PLCE1: variants seen among roughly 807,000 people sequenced by gnomAD.
PLCE1 encodes 1-phosphatidylinositol 4,5-bisphosphate phosphodiesterase epsilon-1.
Under a neutral mutation model 242.8 loss-of-function variants are expected in PLCE1, and 119 were observed. The ratio of observed to expected loss-of-function variants is 0.49; its 90% CI spans 0.42 to 0.57. The LOEUF (loss-of-function observed/expected upper bound fraction) is 0.57, where lower values mean the gene tolerates loss of function less well. PLCE1 is among the 20% of genes least tolerant of loss of function. The probability of loss-of-function intolerance (pLI) is 0.00; values close to 1 mark genes in which losing one functional copy is unlikely to be tolerated. For synonymous variants in PLCE1, 945 were observed against 1,017.4 expected (o/e 0.93, Z 1.35); for missense variants, 2,441 against 2,788.8 (o/e 0.88, Z 2.81).
intron 4 of PLCE1, among the ~76,000 whole-genome samples, chr10:94,217,722 T>G (rs1236346841): frequency 6.6e-6 from 1 of 152,226 alleles, no homozygotes; most frequent in East Asian, 1.9e-4. Flanking sequence ...ATAACTCTAG[T>G]GAACTTAGAA....
intron 2 of PLCE1, among the ~76,000 whole-genome samples, chr10:94,035,368 G>A (rs2061643121): frequency 6.6e-6 from 1 of 152,136 alleles, no homozygotes. Flanking sequence ...CCCTGCTGCT[G>A]TTTCTTCTGA....
intron 4 of PLCE1, among the ~76,000 whole-genome samples, chr10:94,198,074 A>C (rs935313209): frequency 1.0e-4 from 7 of 67,158 alleles, no homozygotes; most frequent in African/African-American, 8.5e-4. Context: ...ACCCCCCACC[A>C]AAAAAAAAAA....
intron 24 of PLCE1, among the ~76,000 whole-genome samples, chr10:94,301,337 C>T (rs1316475540): frequency 2.0e-5 from 3 of 150,158 alleles, no homozygotes; most frequent in African/African-American, 7.4e-5. Context: ...AAGTGAGATA[C>T]TATCTCAAAA....
At chr10:94,253,327 G>A (rs1425521631) in intron 9 of PLCE1, among the ~76,000 whole-genome samples, 2 of 152,152 alleles carry the variant, frequency 1.3e-5, no homozygotes, top group Non-Finnish European at 2.9e-5. Context: ...AAGAGCAGGA[G>A]TGAGAGAGAA....
intron 2 of PLCE1, among the ~76,000 whole-genome samples, chr10:94,085,215 C>A (rs760632452): frequency 6.6e-6 from 1 of 152,044 alleles, no homozygotes; most frequent in Non-Finnish European, 1.5e-5. Context: ...GGACATTAGA[C>A]CCTGCAAAAT....
intron 3 of PLCE1, among the ~76,000 whole-genome samples, chr10:94,135,537 A>G (rs1414514545): frequency 1.3e-5 from 2 of 152,242 alleles, no homozygotes; most frequent in Admixed American, 6.5e-5. Context: ...GTTATATTCT[A>G]CAAGTTCATT....
At chr10:94,184,392 G>C (rs1459216651) in intron 4 of PLCE1, among the ~76,000 whole-genome samples, 1 of 152,124 alleles carries the variant, frequency 6.6e-6, no homozygotes. Context: ...GCAATGGCAC[G>C]ACGGTCAGCT....
rs551023334 is a variant in PLCE1, at chr10:94,160,597, T to C, written c.1493-10583T>C. ...CTGTTCACTCTGATGGTAGTTTCTT[T>C]TGCTGTGCAGAAGCTCTTTAGTTTA... On this transcript the variant is annotated intron_variant, in intron 3 of 32. Transcript: ENST00000371380. 1.9e-4 allele frequency among the ~76,000 whole-genome samples: 29 copies of C among 152,356 alleles called. No individual in the cohort carries two copies. The South Asian group carries it at 5.8e-3, about 30-fold the overall frequency.
intron 23 of PLCE1, among the ~76,000 whole-genome samples, chr10:94,296,653 A>G (rs1250769628): frequency 6.6e-6 from 1 of 152,140 alleles, no homozygotes; most frequent in African/African-American, 2.4e-5. Context: ...TTAATCTTCT[A>G]TCCAGACCAC....
intron 18 of PLCE1, among the ~76,000 whole-genome samples, chr10:94,271,183 A>G (rs779579281): frequency 5.3e-5 from 8 of 152,018 alleles, no homozygotes; most frequent in African/African-American, 4.8e-5. Flanking sequence ...ATTAGGATAG[A>G]CCAACTCTCC....
Position 94,032,179 on chromosome 10 carries a change from T to C in PLCE1, c.1133T>C (p.Val378Ala). Residue 378 changes from valine to alanine, a missense_variant, in exon 2 of 33, where the codon GTA (valine) becomes GCA (alanine). Val to Ala is a moderately conservative substitution (Grantham distance 64). Coordinates refer to ENST00000371380, the MANE Select transcript of PLCE1 (RefSeq NM_016341.4). ...RNGPLLPCGRVMEPPSTVEIR... is the reference protein window; with the variant it reads ...RNGPLLPCGRAMEPPSTVEIR... ...GGTCCCTTACTGCCTTGTGGGAGAG[T>C]AATGGAACCCCCGTCAACAGTGGAG... 4 of 1,611,404 alleles carry C rather than the reference T, an allele frequency of 2.5e-6. No homozygotes were observed. The highest frequency in any genetic ancestry group is 1.7e-4 in the Middle Eastern group (1 of 6,038).
chr10:94,000,189 A>G (rs1184659124), intron 1 of PLCE1, among the ~76,000 whole-genome samples: 1 of 152,240 alleles, frequency 6.6e-6, no homozygotes, highest in East Asian at 1.9e-4. Context: ...TGTTAGACAA[A>G]GAGACAAGTT....
At chr10:94,165,020 C>A (rs1314369875) in intron 3 of PLCE1, among the ~76,000 whole-genome samples, 1 of 152,186 alleles carries the variant, frequency 6.6e-6, no homozygotes, top group Non-Finnish European at 1.5e-5. Context: ...GAGTACCCGG[C>A]CGTGTGAGGT....
At chr10:94,011,739 C>T (rs568122029) in intron 1 of PLCE1, among the ~76,000 whole-genome samples, 33 of 152,178 alleles carry the variant, frequency 2.2e-4, no homozygotes, top group African/African-American at 7.9e-4. Context: ...AAAATATAAC[C>T]CCAGGTGAGC....
At chr10:94,254,143 G>T (rs759310260) in intron 9 of PLCE1, 47 bp from the exon 10 acceptor site, 1 of 1,350,440 alleles carries the variant, frequency 7.4e-7, no homozygotes, top group Non-Finnish European at 1.1e-6. Context: ...AAGCAGTGAT[G>T]GGAGAGAAAT....
chr10:94,256,565 A>G (rs1022163775), intron 11 of PLCE1, among the ~76,000 whole-genome samples: 2 of 152,138 alleles, frequency 1.3e-5, no homozygotes, highest in Non-Finnish European at 2.9e-5. Flanking sequence ...TAACAAAACT[A>G]AAAGTTACAA....
At chr10:94,286,105 T>C in intron 22 of PLCE1, among the ~76,000 whole-genome samples, 1 of 152,142 alleles carries the variant, frequency 6.6e-6, no homozygotes. Flanking sequence ...CATCTCCTCA[T>C]ACTAAGAAAA....
At chr10:94,256,459 T>G (rs149073367) in intron 11 of PLCE1, among the ~76,000 whole-genome samples, 1 of 152,314 alleles carries the variant, frequency 6.6e-6, no homozygotes, top group Admixed American at 6.5e-5. Flanking sequence ...TAATTTATGC[T>G]TTATACATTC....
At chr10:94,173,596 T>C (rs764323241) in intron 4 of PLCE1, among the ~76,000 whole-genome samples, 1 of 152,200 alleles carries the variant, frequency 6.6e-6, no homozygotes, top group African/African-American at 2.4e-5. Flanking sequence ...TAAAATCTAA[T>C]TTTAAACTAA....
Sources: gnomAD v4.1 joint callset for allele counts (sites outside exome capture counted in the v4.1 genomes callset) on GRCh38, gnomAD v4.1.1 for gene constraint, MANE v1.5 for transcripts, NCBI Gene and HGNC (gene_info 2026-07-23, HGNC 2026-07-21) for gene names.